WAPL: variants seen among roughly 807,000 people sequenced by gnomAD.
WAPL encodes wings apart-like protein homolog.
Under a neutral mutation model 121.0 loss-of-function variants are expected in WAPL, and 5 were observed. That is an observed-to-expected ratio of 0.04 (90% CI 0.02 to 0.09). WAPL has a LOEUF of 0.09. Ranked by LOEUF, WAPL falls within the 10% of genes least tolerant of loss-of-function variation. WAPL has a pLI of 1.00. For synonymous variants in WAPL, 480 were observed against 481.5 expected, an observed-to-expected ratio of 1.00 and a Z score of 0.04; for missense variants, 999 against 1,410.8, an observed-to-expected ratio of 0.71 and a Z score of 4.68.
intron 4 of WAPL, among the ~76,000 whole-genome samples, chr10:86,495,783 C>T (rs1842137718): frequency 6.6e-6 from 1 of 152,062 alleles, no homozygotes; most frequent in South Asian, 2.1e-4. Flanking sequence ...GATTAACATA[C>T]TACTACAACT....
chr10:86,455,591 C>A, intron 12 of WAPL, among the ~76,000 whole-genome samples: 1 of 150,052 alleles, frequency 6.7e-6, no homozygotes, highest in Non-Finnish European at 1.5e-5. Flanking sequence ...CCCTTGTTCA[C>A]ATGTTTATCT....
chr10:86,467,504 A>G lies in WAPL; in HGVS notation c.2145T>C (p.Asn715=). The G allele has an allele frequency of 6.3e-7, 1 of 1,596,134 alleles. No individual in the cohort carries two copies. The highest frequency in any genetic ancestry group is 1.8e-5 in the Admixed American group (1 of 55,918). Residue 715 remains asparagine (N), a splice_region_variant and synonymous_variant, in exon 9 of 19, where the codon AAT becomes AAC. Coordinates refer to ENST00000298767, the MANE Select transcript of WAPL (RefSeq NM_015045.5). ...KTLDDSQHHQ[N]LSLCTAALMY... is the part of the protein sequence containing the mutation. ...TGAGGGCAGCTGTACAGAGGGACAG[A>G]TTCTTCAACAGGCCAAAAAAAGAAA...
chr10:86,487,207 A>G (rs75883692), intron 4 of WAPL, among the ~76,000 whole-genome samples: 10,418 of 151,876 alleles, frequency 0.069, 664 homozygotes, highest in East Asian at 0.38. Flanking sequence ...TCAAACCACA[A>G]GCAGGGCAAG....
At chr10:86,491,455 A>G (rs1265375187) in intron 4 of WAPL, among the ~76,000 whole-genome samples, 1 of 152,026 alleles carries the variant, frequency 6.6e-6, no homozygotes, top group African/African-American at 2.4e-5. Flanking sequence ...ATTTTTCAAC[A>G]TTATCTCCTA....
At position 86,436,434 on chromosome 10, in the gene WAPL, T is replaced by G. The variant is rs1037481878; in HGVS notation, c.*1109A>C. The G allele has an allele frequency of 1.3e-5, 2 of 151,512 alleles. No individual in the cohort carries two copies. Among genetic ancestry groups the G allele is most frequent in the Non-Finnish European group, 2.9e-5 (2 of 67,854 alleles). 9.4% of individuals were successfully genotyped at this position (151,512 alleles called of 1,614,324 possible). The stretch of plus-strand genomic sequence containing the variant: ...GTGGTGTGAATAATACAAGAAAAAT[T>G]TGCAATGTTATGATATTAAATCTAT... On this transcript the variant is annotated 3_prime_UTR_variant, in exon 19 of 19. Transcript: ENST00000298767.
intron 15 of WAPL, among the ~76,000 whole-genome samples, chr10:86,451,389 C>T (rs1840974193): frequency 6.6e-6 from 1 of 151,500 alleles, no homozygotes; most frequent in African/African-American, 2.4e-5. Flanking sequence ...GAAATTATAC[C>T]ACCTTTTTTT....
At chr10:86,475,989 C>T (rs1297813612) in intron 4 of WAPL, among the ~76,000 whole-genome samples, 1 of 152,128 alleles carries the variant, frequency 6.6e-6, no homozygotes, top group Admixed American at 6.6e-5. Flanking sequence ...TTCACAACAG[C>T]CTGGGCAAGA....
chr10:86,489,099 C>G (rs1841985021), intron 4 of WAPL, among the ~76,000 whole-genome samples: 1 of 152,150 alleles, frequency 6.6e-6, no homozygotes, highest in South Asian at 2.1e-4. Context: ...GTATCAAACA[C>G]AAACTGAGGG....
chr10:86,477,614 C>T (rs1345861701), intron 4 of WAPL, among the ~76,000 whole-genome samples: 2 of 152,098 alleles, frequency 1.3e-5, no homozygotes, highest in Non-Finnish European at 2.9e-5. Context: ...ACCAGCCTAA[C>T]CAACATGGTG....
chr10:86,508,377 G>A (rs959285663), intron 2 of WAPL, among the ~76,000 whole-genome samples: 2 of 152,052 alleles, frequency 1.3e-5, no homozygotes. Context: ...GCCAAACATA[G>A]CACCCCTTCT....
chr10:86,454,384 A>C (rs1841079128), intron 12 of WAPL, among the ~76,000 whole-genome samples: 1 of 151,792 alleles, frequency 6.6e-6, no homozygotes, highest in Non-Finnish European at 1.5e-5. Context: ...CTCCCTCCAC[A>C]ATCTCCCTCT....
intron 2 of WAPL, among the ~76,000 whole-genome samples, chr10:86,506,703 T>C (rs1439872025): frequency 6.6e-6 from 1 of 152,074 alleles, no homozygotes; most frequent in African/African-American, 2.4e-5. Flanking sequence ...GGTAGGAGGA[T>C]CACTTAAGCC....
At chr10:86,462,721 CAAAAAAAA>C (rs59998538) in intron 9 of WAPL, among the ~76,000 whole-genome samples, 1 of 80,646 alleles carries the variant, frequency 1.2e-5, no homozygotes, top group Non-Finnish European at 2.4e-5. Flanking sequence ...GATCCCGTCT[CAAAAAAAA>C]AAAAAAAAAA....
At chr10:86,451,382 A>T (rs1379000024) in intron 15 of WAPL, among the ~76,000 whole-genome samples, 1 of 151,998 alleles carries the variant, frequency 6.6e-6, no homozygotes, top group Admixed American at 6.6e-5. Context: ...CTACAGAGAA[A>T]TTATACCACC....
chr10:86,513,503 T>C (rs1462170187), intron 2 of WAPL, among the ~76,000 whole-genome samples: 1 of 152,080 alleles, frequency 6.6e-6, no homozygotes, highest in African/African-American at 2.4e-5. Flanking sequence ...TGGTTAATTT[T>C]TGTATTTTTT....
chr10:86,470,945 G>T, intron 8 of WAPL, 47 bp downstream of exon 8: 1 of 1,474,518 alleles, frequency 6.8e-7, no homozygotes, highest in Non-Finnish European at 9.4e-7. Context: ...AAATAGACTA[G>T]TAGTTTTCAA....
chr10:86,485,494 G>A (rs1021456957), intron 4 of WAPL, among the ~76,000 whole-genome samples: 13 of 151,794 alleles, frequency 8.6e-5, no homozygotes, highest in Admixed American at 6.6e-5. Context: ...CTGAGACTGC[G>A]CCACTGCACT....
intron 1 of WAPL, among the ~76,000 whole-genome samples, chr10:86,519,642 C>A (rs1305325463): frequency 6.6e-6 from 1 of 152,250 alleles, no homozygotes; most frequent in African/African-American, 2.4e-5. Context: ...ACAAGTCTTA[C>A]TGTCTTTCTT....
intron 8 of WAPL, among the ~76,000 whole-genome samples, chr10:86,468,499 A>G (rs1362770533): frequency 2.0e-5 from 3 of 152,002 alleles, no homozygotes; most frequent in Non-Finnish European, 4.4e-5. Flanking sequence ...CGCCCAGCCT[A>G]TTCTTTATGA....
Sources: gnomAD v4.1 joint callset for allele counts (sites outside exome capture counted in the v4.1 genomes callset) on GRCh38, gnomAD v4.1.1 for gene constraint, MANE v1.5 for transcripts, NCBI Gene and HGNC (gene_info 2026-07-23, HGNC 2026-07-21) for gene names.